Variants in TEX11 observed in about 807,000 individuals in gnomAD.
TEX11 encodes the protein testis expressed 11.
Under a neutral mutation model 84.4 loss-of-function variants are expected in TEX11, and 7 were observed. The ratio of observed to expected loss-of-function variants is 0.08; its 90% CI spans 0.05 to 0.16. The LOEUF is 0.16. Among genes scored for constraint, TEX11 ranks in the 10% least tolerant of loss-of-function variants. The pLI is 1.00. For missense variants in TEX11, 551 were observed against 660.5 expected (o/e 0.83, Z 1.82); for synonymous variants, 264 against 222.8 (o/e 1.18, Z -1.64).
intron 8 of TEX11, among the ~76,000 whole-genome samples, chrX:70,812,774 G>A (rs1207486256): frequency 2.7e-5 from 3 of 111,215 alleles, no homozygotes; most frequent in Non-Finnish European, 5.7e-5. Flanking sequence ...TATCACCACC[G>A]ATCCCACAGA....
intron 4 of TEX11, among the ~76,000 whole-genome samples, chrX:70,863,101 T>C (rs2091579623): frequency 9.0e-6 from 1 of 110,688 alleles, no homozygotes; most frequent in Non-Finnish European, 1.9e-5. Flanking sequence ...AGAGAGCACC[T>C]GGGGGAAGGG....
intron 8 of TEX11, among the ~76,000 whole-genome samples, chrX:70,814,350 T>C (rs1463504062): frequency 8.9e-6 from 1 of 111,957 alleles, no homozygotes; most frequent in African/African-American, 3.2e-5. Context: ...CAGTGAGTCA[T>C]TTTTAAGGCT....
At chrX:70,843,848 A>C (rs960709930) in intron 7 of TEX11, among the ~76,000 whole-genome samples, 1 of 112,100 alleles carries the variant, frequency 8.9e-6, no homozygotes, top group Non-Finnish European at 1.9e-5. Context: ...GCAGCCAAAA[A>C]ACACATGAAA....
At chrX:70,777,387 G>A (rs1393517578) in intron 9 of TEX11, among the ~76,000 whole-genome samples, 1 of 111,371 alleles carries the variant, frequency 9.0e-6, no homozygotes, top group East Asian at 2.8e-4. Context: ...AGTGGCTCAC[G>A]CCTGTAATCC....
downstream of TEX11, among the ~76,000 whole-genome samples, chrX:70,528,764 G>T (rs546565221): frequency 9.0e-6 from 1 of 111,470 alleles, no homozygotes; most frequent in East Asian, 2.8e-4. Context: ...ATATCTTCAG[G>T]GATTAGGAAT....
intron 3 of TEX11, among the ~76,000 whole-genome samples, chrX:70,878,168 C>CTTTTTTTTTT (rs34459152): frequency 1.4e-5 from 1 of 72,538 alleles, no homozygotes; most frequent in Non-Finnish European, 2.5e-5. Flanking sequence ...CTCTATCCCT[C>CTTTTTTTTTT]TTTTTTTTTT....
At chrX:70,750,103 G>T (rs4844138) in intron 9 of TEX11, among the ~76,000 whole-genome samples, 11,670 of 111,114 alleles carry the variant, frequency 0.11, 736 homozygotes, top group Admixed American at 0.25. Context: ...CCATCAAAAA[G>T]TGGGCGAAGG....
At chrX:70,515,095 A>ACG in the TEX11 span, among the ~76,000 whole-genome samples, 2 of 80,364 alleles carry the variant, frequency 2.5e-5, no homozygotes, top group African/African-American at 2.5e-4. Context: ...ACACACACAC[A>ACG]CAGAAAGAAG....
chrX:70,714,936 G>T (rs1189217870), intron 13 of TEX11, among the ~76,000 whole-genome samples: 1 of 111,644 alleles, frequency 9.0e-6, no homozygotes, highest in African/African-American at 3.3e-5. Context: ...TGTACCGGTT[G>T]TTCCTTTCTA....
chrX:70,756,208 A>AGATAG (rs1186675863), intron 9 of TEX11, among the ~76,000 whole-genome samples: 3 of 112,759 alleles, frequency 2.7e-5, no homozygotes, highest in African/African-American at 6.4e-5. Context: ...AAAAGGCAGC[A>AGATAG]GATAGCTTTG....
intron 2 of TEX11, among the ~76,000 whole-genome samples, chrX:70,882,027 CAAA>C (rs61563153): frequency 2.4e-5 from 1 of 41,688 alleles, no homozygotes; most frequent in Admixed American, 3.4e-4. Flanking sequence ...GACTCCATCT[CAAA>C]AAAAAAAAAA....
At chrX:70,686,287 C>A (rs1300861447) in intron 13 of TEX11, among the ~76,000 whole-genome samples, 5 of 111,807 alleles carry the variant, frequency 4.5e-5, no homozygotes, top group Non-Finnish European at 9.4e-5. Flanking sequence ...GGAACCAACC[C>A]AAATGCCCAT....
intron 2 of TEX11, among the ~76,000 whole-genome samples, chrX:70,882,945 A>C (rs895908433): frequency 8.9e-6 from 1 of 111,867 alleles, no homozygotes; most frequent in African/African-American, 3.2e-5. Flanking sequence ...GTCCTTTCAA[A>C]ACATATTTTC....
intron 4 of TEX11, among the ~76,000 whole-genome samples, chrX:70,866,477 G>A (rs951939111): frequency 9.1e-6 from 1 of 110,318 alleles, no homozygotes. Flanking sequence ...ACAAAGAGGG[G>A]CTGGTACCAT....
At chrX:70,744,485 C>CTA (rs997200194) in intron 9 of TEX11, among the ~76,000 whole-genome samples, 8 of 107,594 alleles carry the variant, frequency 7.4e-5, no homozygotes, top group Non-Finnish European at 1.3e-4. Context: ...TTCCATTTGG[C>CTA]TATATATATA....
intron 2 of TEX11, 54 bp downstream of exon 2, chrX:70,907,699 G>A: frequency 1.0e-6 from 1 of 959,032 alleles, no homozygotes; most frequent in Non-Finnish European, 1.5e-6. Flanking sequence ...GCAATATTTA[G>A]ATCTTAAAGC....
At chrX:70,633,364 C>T (rs897471673) in intron 17 of TEX11, among the ~76,000 whole-genome samples, 2 of 111,327 alleles carry the variant, frequency 1.8e-5, no homozygotes, top group Non-Finnish European at 3.8e-5. Context: ...TTCCTTACCC[C>T]TCCCACCACC....
intron 25 of TEX11, among the ~76,000 whole-genome samples, chrX:70,584,143 C>A (rs1006707407): frequency 9.3e-6 from 1 of 107,799 alleles, no homozygotes; most frequent in East Asian, 2.9e-4. Flanking sequence ...ATTAGCCGGG[C>A]GCGGTGGCGG....
At chrX:70,622,114 A>G (rs759852848) in intron 20 of TEX11, among the ~76,000 whole-genome samples, 2 of 112,162 alleles carry the variant, frequency 1.8e-5, no homozygotes, top group Non-Finnish European at 3.8e-5. Flanking sequence ...AATTTTACAG[A>G]TGAGGAAAAT....
Sources: gnomAD v4.1 joint callset for allele counts (sites outside exome capture counted in the v4.1 genomes callset) on GRCh38, gnomAD v4.1.1 for gene constraint, MANE v1.5 for transcripts, NCBI Gene and HGNC (gene_info 2026-07-23, HGNC 2026-07-21) for gene names.